The following CYBRD1 variants were observed in gnomAD, a reference collection of about 807,000 sequenced individuals.
The protein encoded by CYBRD1 is plasma membrane ascorbate-dependent reductase CYBRD1.
CYBRD1 carries 14 observed loss-of-function variants against 21.9 expected under a neutral mutation model. The observed-to-expected ratio is 0.64, with a 90% confidence interval of 0.42 to 1.00. The LOEUF (loss-of-function observed/expected upper bound fraction) is 1.00, where lower values mean the gene tolerates loss of function less well. Ranked by LOEUF, CYBRD1 falls within the 50% of genes least tolerant of loss-of-function variation. The pLI, the probability that CYBRD1 is intolerant of heterozygous loss-of-function variation, is 0.00. For synonymous variants in CYBRD1, 146 were observed against 136.5 expected, an observed-to-expected ratio of 1.07 and a Z score of -0.48; for missense variants, 328 against 352.5, an observed-to-expected ratio of 0.93 and a Z score of 0.56.
At chr2:171,542,232 C>T (rs1574439854) in intron 2 of CYBRD1, among the ~76,000 whole-genome samples, 1 of 152,016 alleles carries the variant, frequency 6.6e-6, no homozygotes, top group Non-Finnish European at 1.5e-5. Context: ...CAGAGAGCAC[C>T]AGAATTGCAG....
Position 171,556,519 on chromosome 2 carries a change from C to G in CYBRD1, c.*1692C>G, listed in dbSNP as rs934038704. Reference sequence around the variant, plus strand: ...TGAAGCATTTTAATATGGGTAGAAACTCTACACCAAATACACTAAACATTT... The same window carrying G: ...TGAAGCATTTTAATATGGGTAGAAAGTCTACACCAAATACACTAAACATTT... On this transcript the variant is annotated 3_prime_UTR_variant, in exon 4 of 4. Coordinates refer to ENST00000321348, the MANE Select transcript of CYBRD1 (RefSeq NM_024843.4). 5 of 152,098 alleles carry G rather than the reference C, an allele frequency of 3.3e-5. No homozygotes were observed. The highest frequency in any genetic ancestry group is 2.1e-4 in the South Asian group (1 of 4,830). 9.4% of individuals were successfully genotyped at this position (152,098 alleles called of 1,614,324 possible). A position where few individuals can be genotyped will look rare whatever the true frequency, so the allele number is the denominator to read the frequency against.
intron 2 of CYBRD1, 124 bp from the exon 3 acceptor site, chr2:171,553,222 C>A: frequency 8.6e-7 from 1 of 1,168,622 alleles, no homozygotes; most frequent in Non-Finnish European, 1.2e-6. Context: ...GAGGAAACTT[C>A]ATTTTCTACC....
chr2:171,528,671 G>T (rs1697419155), intron 1 of CYBRD1, among the ~76,000 whole-genome samples: 1 of 152,040 alleles, frequency 6.6e-6, no homozygotes, highest in Non-Finnish European at 1.5e-5. Flanking sequence ...TGTATATTCA[G>T]CCCAGACTCT....
intron 1 of CYBRD1, among the ~76,000 whole-genome samples, chr2:171,530,273 T>G (rs1697445822): frequency 6.6e-6 from 1 of 152,230 alleles, no homozygotes; most frequent in Non-Finnish European, 1.5e-5. Flanking sequence ...TTCTGGTAAT[T>G]TGTTATGGTA....
chr2:171,525,071 G>A (rs1240843162), intron 1 of CYBRD1, among the ~76,000 whole-genome samples: 2 of 152,102 alleles, frequency 1.3e-5, no homozygotes, highest in Non-Finnish European at 2.9e-5. Context: ...CCCAGTAGCT[G>A]GGATTACAGA....
intron 2 of CYBRD1, among the ~76,000 whole-genome samples, chr2:171,549,075 T>C (rs75763480): frequency 1.3e-5 from 2 of 150,224 alleles, no homozygotes; most frequent in African/African-American, 4.9e-5. Context: ...TTTATTCTAT[T>C]CTATTCTATT....
At chr2:171,533,108 T>A (rs1697494097) in intron 1 of CYBRD1, among the ~76,000 whole-genome samples, 1 of 152,220 alleles carries the variant, frequency 6.6e-6, no homozygotes, top group Non-Finnish European at 1.5e-5. Flanking sequence ...GGCTCACGCC[T>A]GTAATCCCAG....
chr2:171,529,209 T>A (rs1157205272), intron 1 of CYBRD1, among the ~76,000 whole-genome samples: 1 of 152,136 alleles, frequency 6.6e-6, no homozygotes, highest in Non-Finnish European at 1.5e-5. Flanking sequence ...CACCAGGGTG[T>A]CTTTCTGGAT....
In CYBRD1 at chr2:171,545,635, C is replaced by T. The variant is rs550922929; in HGVS notation, c.402+3842C>T. ...AACTCCTGACCTCAAATGATCCACC[C>T]GCCTCGGCCTCCCAAAGTGCTGGGA... is the stretch of plus-strand genomic sequence containing the variant. On this transcript the variant is annotated intron_variant, in intron 2 of 3. Coordinates refer to ENST00000321348, the MANE Select transcript of CYBRD1 (RefSeq NM_024843.4). 8.6e-5 allele frequency among the ~76,000 whole-genome samples: 13 copies of T among 151,288 alleles called. No individual in the cohort carries two copies. The South Asian group carries it at 1.7e-3, about 19-fold the overall frequency.
At chr2:171,533,194 C>CT (rs1454300965) in intron 1 of CYBRD1, among the ~76,000 whole-genome samples, 2 of 151,554 alleles carry the variant, frequency 1.3e-5, no homozygotes, top group Non-Finnish European at 1.5e-5. Flanking sequence ...TGGTGATACT[C>CT]TATCTCTACT....
intron 2 of CYBRD1, among the ~76,000 whole-genome samples, chr2:171,543,801 G>A (rs1250108749): frequency 6.6e-6 from 1 of 151,668 alleles, no homozygotes; most frequent in Non-Finnish European, 1.5e-5. Flanking sequence ...TCTGGCTATA[G>A]TTCATTCATT....
At chr2:171,545,745 A>G (rs552902052) in intron 2 of CYBRD1, among the ~76,000 whole-genome samples, 1 of 151,970 alleles carries the variant, frequency 6.6e-6, no homozygotes, top group African/African-American at 2.4e-5. Context: ...TTTGTGGTAC[A>G]TATGATATTT....
intron 1 of CYBRD1, among the ~76,000 whole-genome samples, chr2:171,530,992 A>C (rs1259229112): frequency 6.6e-6 from 1 of 151,894 alleles, no homozygotes; most frequent in African/African-American, 2.4e-5. Context: ...TCTCTACAAA[A>C]AAAAATACAA....
Position 171,522,756 on chromosome 2 carries a change from G to C in CYBRD1, c.193+18G>C, listed in dbSNP as rs1406258404. ...GGGCATCGGTACTGGCACCTCCTGG[G>C]GGGGTGCGGGGAGGAAAGCGGGGAG... On this transcript the variant is annotated intron_variant, in intron 1 of 3. Transcript: ENST00000321348. The surrounding 1 kb of genome is among the most constrained non-coding windows in gnomAD (Gnocchi z 4.3). 3.1e-6 allele frequency: 5 copies of C among 1,613,084 alleles called. No homozygotes were observed. Among genetic ancestry groups the C allele is most frequent in the African/African-American group, 2.7e-5 (2 of 74,934 alleles).
Position 171,533,754 on chromosome 2 carries a change from T to TTTTC in CYBRD1, c.194-7815_194-7812dup, listed in dbSNP as rs569043846. ...CAAGGAGCTGAGACATTTTCTTTTC[T>TTTTC]TTTCTTTCTTTCTTTCTTTTTTTTT... On this transcript the variant is annotated intron_variant, in intron 1 of 3. Coordinates refer to ENST00000321348, the MANE Select transcript of CYBRD1 (RefSeq NM_024843.4). Among the ~76,000 whole-genome samples, 22 of 148,628 alleles carry TTTTC rather than the reference T, an allele frequency of 1.5e-4. No individual in the cohort carries two copies. In the South Asian group the frequency reaches 2.6e-3, roughly 17 times the overall value.
upstream of CYBRD1, chr2:171,522,322 C>T (rs1381336843): frequency 6.6e-7 from 1 of 1,526,172 alleles, no homozygotes; most frequent in Non-Finnish European, 8.8e-7. The surrounding 1 kb of genome is among the most constrained non-coding windows in gnomAD (Gnocchi z 4.3). Flanking sequence ...GCGCCCTCGG[C>T]GGCCGCGTGA....
Position 171,553,483 on chromosome 2 carries a change from G to A in CYBRD1, c.540G>A (p.Glu180=), listed in dbSNP as rs768214360. 1.2e-6 allele frequency: 2 copies of A among 1,611,566 alleles called. No individual in the cohort carries two copies. The highest frequency in any genetic ancestry group is 8.5e-7 in the Non-Finnish European group (1 of 1,178,506). The stretch of plus-strand genomic sequence containing the variant: ...CAACAGCACTTATGGGATTGACAGA[G>A]AAACTGATTTTTTCCCTGTAAGTTG... ...VIATALMGLT[E]KLIFSLRDPA... Residue 180 remains glutamate (E), a synonymous_variant, in exon 3 of 4, where the codon GAG becomes GAA. Transcript: ENST00000321348.
chr2:171,545,706 T>A (rs1394036577), intron 2 of CYBRD1, among the ~76,000 whole-genome samples: 1 of 152,064 alleles, frequency 6.6e-6, no homozygotes, highest in Non-Finnish European at 1.5e-5. Context: ...ATTTATTTTT[T>A]AATTGATGTA....
At chr2:171,534,629 C>T (rs1182091037) in intron 1 of CYBRD1, among the ~76,000 whole-genome samples, 1 of 152,126 alleles carries the variant, frequency 6.6e-6, no homozygotes, top group Non-Finnish European at 1.5e-5. Context: ...TCTATGTAGC[C>T]AGGATAGATG....
Sources: allele counts gnomAD v4.1 joint callset (sites outside exome capture counted in the v4.1 genomes callset), GRCh38; gene constraint gnomAD v4.1.1; non-coding constraint Gnocchi (gnomAD v3.1); transcripts MANE v1.5; gene names NCBI Gene and HGNC (gene_info 2026-07-23, HGNC 2026-07-21).